The following STAG1 variants were observed in gnomAD, a reference collection of about 807,000 sequenced individuals.
The protein encoded by STAG1 is STAG1 cohesin complex component, also known as cohesin subunit SA-1.
In STAG1, 26 loss-of-function variants were observed where a neutral mutation model predicts 170.9. That is an observed-to-expected ratio of 0.15 (90% CI 0.11 to 0.21). The LOEUF (loss-of-function observed/expected upper bound fraction) is 0.21. Among genes scored for constraint, STAG1 ranks in the 10% least tolerant of loss-of-function variants. STAG1 has a pLI of 1.00. For missense variants in STAG1, 964 were observed against 1,509.5 expected (o/e 0.64, Z 5.99); for synonymous variants, 514 against 497.7 (o/e 1.03, Z -0.44).
chr3:136,690,393 T>G (rs1430840804), intron 1 of STAG1, among the ~76,000 whole-genome samples: 1 of 152,202 alleles, frequency 6.6e-6, no homozygotes, highest in Non-Finnish European at 1.5e-5. Context: ...CACGCCACCA[T>G]GCCCAACTAA....
chr3:136,433,478 C>T (rs1315148088), intron 16 of STAG1, 78 bp downstream of exon 16: 1 of 973,644 alleles, frequency 1.0e-6, no homozygotes, highest in African/African-American at 1.7e-5. Flanking sequence ...ATACAAATAT[C>T]AGTAAAATTT....
chr3:136,390,252 G>C (rs1007179784), intron 22 of STAG1, among the ~76,000 whole-genome samples: 3 of 152,160 alleles, frequency 2.0e-5, no homozygotes, highest in Admixed American at 1.3e-4. Context: ...ACCATGACTT[G>C]TAAGTCATTT....
At chr3:136,626,456 C>A (rs1474517115) in intron 2 of STAG1, among the ~76,000 whole-genome samples, 5 of 150,864 alleles carry the variant, frequency 3.3e-5, no homozygotes, top group African/African-American at 1.2e-4. Context: ...AAACAAAAAA[C>A]CATACAGTAT....
intron 6 of STAG1, among the ~76,000 whole-genome samples, chr3:136,538,256 T>C (rs1290293138): frequency 6.6e-6 from 1 of 152,168 alleles, no homozygotes; most frequent in Non-Finnish European, 1.5e-5. Context: ...TGCTGCAAAG[T>C]ATACTTTAAT....
At chr3:136,626,833 C>T (rs1940120901) in intron 2 of STAG1, among the ~76,000 whole-genome samples, 1 of 152,170 alleles carries the variant, frequency 6.6e-6, no homozygotes. Context: ...TCTGAAAACC[C>T]GATAAACTTG....
chr3:136,643,894 T>C (rs185535647), intron 1 of STAG1, among the ~76,000 whole-genome samples: 2 of 152,348 alleles, frequency 1.3e-5, no homozygotes, highest in East Asian at 3.9e-4. Context: ...TACAATTTAC[T>C]AGACCTACCA....
In STAG1 at chr3:136,623,142, A is replaced by T; in HGVS notation, c.132+4T>A. On this transcript the variant is annotated splice_donor_region_variant and intron_variant, in intron 3 of 33. Coordinates refer to ENST00000383202, the MANE Select transcript of STAG1 (RefSeq NM_005862.3). ...GGAACAAAGAAGACAAGCATAATAC[A>T]TACTGGAGGCCGGCCAGGACGACCC... 6.2e-7 allele frequency: 1 copy of T among 1,611,892 alleles called. No individual in the cohort carries two copies. The highest frequency in any genetic ancestry group is 2.2e-5 in the East Asian group (1 of 44,824).
intron 21 of STAG1, among the ~76,000 whole-genome samples, chr3:136,411,415 G>C (rs955970725): frequency 6.6e-6 from 1 of 151,988 alleles, no homozygotes; most frequent in African/African-American, 2.4e-5. Flanking sequence ...TAGGAACAAA[G>C]TCACAAAACA....
chr3:136,569,147 T>A (rs1336471444), intron 4 of STAG1, among the ~76,000 whole-genome samples: 2 of 152,060 alleles, frequency 1.3e-5, no homozygotes, highest in Non-Finnish European at 2.9e-5. Flanking sequence ...GTATAGATAA[T>A]ATTCAAACCA....
chr3:136,450,597 CCT>C (rs1369407966), intron 14 of STAG1, among the ~76,000 whole-genome samples: 1 of 152,146 alleles, frequency 6.6e-6, no homozygotes, highest in Non-Finnish European at 1.5e-5. Flanking sequence ...ACTAAGTTCC[CCT>C]CTTACTCTCA....
At chr3:136,619,719 T>C (rs1939754953) in intron 3 of STAG1, among the ~76,000 whole-genome samples, 1 of 120,952 alleles carries the variant, frequency 8.3e-6, no homozygotes, top group Non-Finnish European at 1.6e-5. Flanking sequence ...ATCGTGCTAC[T>C]ACACTCCAGA....
At chr3:136,534,479 TTGAA>T (rs1935527089) in intron 6 of STAG1, among the ~76,000 whole-genome samples, 2 of 151,990 alleles carry the variant, frequency 1.3e-5, no homozygotes. Context: ...AGACAACCTC[TTGAA>T]TGAGAGAAAA....
intron 22 of STAG1, among the ~76,000 whole-genome samples, chr3:136,398,443 G>A (rs551599195): frequency 1.3e-5 from 2 of 152,048 alleles, no homozygotes; most frequent in African/African-American, 4.8e-5. Flanking sequence ...TTAATAGCAT[G>A]TTACCTATCA....
chr3:136,441,041 T>A (rs1030336801), intron 15 of STAG1, among the ~76,000 whole-genome samples: 3 of 149,296 alleles, frequency 2.0e-5, no homozygotes, highest in Non-Finnish European at 4.5e-5. Flanking sequence ...TTTTTTTTTT[T>A]TTTTTTTTTG....
chr3:136,714,199 AC>A (rs1455368550), intron 1 of STAG1, among the ~76,000 whole-genome samples: 2 of 152,016 alleles, frequency 1.3e-5, no homozygotes, highest in African/African-American at 2.4e-5. Context: ...GCAAGGCCCT[AC>A]CCCCCAAAAA....
Position 136,473,567 on chromosome 3 carries a change from T to A in STAG1, c.1097A>T (p.Lys366Ile). 1 of 1,612,094 alleles carries A rather than the reference T, an allele frequency of 6.2e-7. No homozygotes were observed. The highest frequency in any genetic ancestry group is 8.5e-7 in the Non-Finnish European group (1 of 1,178,866). ...GAATCGGTTAGTGAATAGTTCCAAT[T>A]TGGGGAATAATTCTCTATTGGTATA... is the stretch of plus-strand genomic sequence containing the variant. ...SLYTNRELFP[K>I]LELFTNRFKD... The change falls in exon 11 of 34, where the codon AAA (lysine) becomes ATA (isoleucine). Residue 366 changes from lysine to isoleucine, a missense_variant. By Grantham distance (102) the Lys-to-Ile change is moderately radical (BLOSUM62 -3). Transcript: ENST00000383202.
At chr3:136,706,568 T>G in intron 1 of STAG1, among the ~76,000 whole-genome samples, 1 of 152,216 alleles carries the variant, frequency 6.6e-6, no homozygotes, top group East Asian at 1.9e-4. Context: ...AAATTAAGAC[T>G]TAATTAAATG....
intron 5 of STAG1, among the ~76,000 whole-genome samples, chr3:136,557,240 A>AAAAAG (rs1004501896): frequency 2.0e-5 from 3 of 152,150 alleles, no homozygotes; most frequent in East Asian, 1.9e-4. Flanking sequence ...ACCATTTTAA[A>AAAAAG]AAAAGAAAAG....
At chr3:136,602,926 T>C (rs1938740362) in intron 4 of STAG1, among the ~76,000 whole-genome samples, 1 of 152,148 alleles carries the variant, frequency 6.6e-6, no homozygotes, top group African/African-American at 2.4e-5. Flanking sequence ...ATAATTTAAA[T>C]ATTGTCATCC....
Sources: gnomAD v4.1 joint callset for allele counts (sites outside exome capture counted in the v4.1 genomes callset) on GRCh38, gnomAD v4.1.1 for gene constraint, MANE v1.5 for transcripts, NCBI Gene and HGNC (gene_info 2026-07-23, HGNC 2026-07-21) for gene names.